PRDM16: variants seen among roughly 807,000 people sequenced by gnomAD.
PRDM16 encodes histone-lysine N-methyltransferase PRDM16.
In PRDM16, 23 loss-of-function variants were observed where a neutral mutation model predicts 110.6. The observed-to-expected ratio is 0.21, with a 90% CI of 0.15 to 0.29. The LOEUF (loss-of-function observed/expected upper bound fraction) is 0.29, where lower values mean the gene tolerates loss of function less well. Ranked by LOEUF, PRDM16 falls within the 10% of genes least tolerant of loss-of-function variation. The pLI is 1.00. For missense variants in PRDM16, 1,615 were observed against 1,794.3 expected (o/e 0.90, Z 1.81); for synonymous variants, 799 against 781.8 (o/e 1.02, Z -0.37).
At chr1:3,127,800 G>A (rs890786894) in intron 1 of PRDM16, among the ~76,000 whole-genome samples, 8 of 152,218 alleles carry the variant, frequency 5.3e-5, no homozygotes, top group African/African-American at 1.4e-4. Context: ...AAGGCAGAGC[G>A]TCCCCATGGT....
rs113092557 is a variant in PRDM16 at position 3,300,059 on chromosome 1, A to G, written c.438+55922A>G. Among the ~76,000 whole-genome samples, 139 of 74,692 alleles carry G rather than the reference A, an allele frequency of 1.9e-3. 12 individuals carry two copies. Among genetic ancestry groups the G allele is most frequent in the African/African-American group, 5.1e-3 (126 of 24,944 alleles). 49.0% of individuals were successfully genotyped at this position (74,692 alleles called of 152,430 possible). A position where few individuals can be genotyped will look rare whatever the true frequency, so the allele number is the denominator to read the frequency against. ...GATGTTTCCGATCCCAGTCATGGTGACTCTGCCCTTGTTGAAGATGCTATG... is the reference window on the plus strand; with the variant it reads ...GATGTTTCCGATCCCAGTCATGGTGGCTCTGCCCTTGTTGAAGATGCTATG... On this transcript the variant is annotated intron_variant, in intron 3 of 16. Transcript: ENST00000270722.
At chr1:3,184,666 G>C (rs1053675356) in intron 1 of PRDM16, among the ~76,000 whole-genome samples, 3 of 152,132 alleles carry the variant, frequency 2.0e-5, no homozygotes, top group Non-Finnish European at 4.4e-5. Context: ...CCCCTCTCTA[G>C]TTTCCAAACA....
intron 3 of PRDM16, among the ~76,000 whole-genome samples, chr1:3,356,348 C>G (rs148255842): frequency 6.6e-6 from 1 of 152,210 alleles, no homozygotes; most frequent in Non-Finnish European, 1.5e-5. Flanking sequence ...GATGCATGAC[C>G]GTCTGCTCAG....
chr1:3,384,696 T>C (rs1643165683), intron 3 of PRDM16, among the ~76,000 whole-genome samples: 1 of 152,230 alleles, frequency 6.6e-6, no homozygotes, highest in East Asian at 1.9e-4. Context: ...CAGGCTGCCC[T>C]GAGCATGCAC....
chr1:3,088,578 G>A (rs896896641), intron 1 of PRDM16, among the ~76,000 whole-genome samples: 1 of 150,778 alleles, frequency 6.6e-6, no homozygotes, highest in Non-Finnish European at 1.5e-5. Flanking sequence ...CCATTCTCCC[G>A]CCTCAGCCTC....
At chr1:3,105,854 C>T (rs1187873221) in intron 1 of PRDM16, among the ~76,000 whole-genome samples, 1 of 152,224 alleles carries the variant, frequency 6.6e-6, no homozygotes, top group Non-Finnish European at 1.5e-5. Context: ...AGGCGAGAGG[C>T]CAGGGCAGCT....
rs189845575 is a variant in PRDM16, at chr1:3,134,354, G to A, written c.38-51771G>A. 4.6e-5 allele frequency among the ~76,000 whole-genome samples: 7 copies of A among 152,374 alleles called. No homozygotes were observed. In the East Asian group the frequency reaches 9.7e-4, roughly 21 times the overall value. ...GCAGAGGAGACGCAGGCCTGGGGAC[G>A]GACAGTTGGGCAGCAGGCATGGCAC... is the stretch of plus-strand genomic sequence containing the variant. On this transcript the variant is annotated intron_variant, in intron 1 of 16. Coordinates refer to ENST00000270722, the MANE Select transcript of PRDM16 (RefSeq NM_022114.4).
At chr1:3,409,825 T>TG (rs1643643774) in intron 8 of PRDM16, among the ~76,000 whole-genome samples, 2 of 50,682 alleles carry the variant, frequency 3.9e-5, no homozygotes, top group Admixed American at 1.8e-4. Flanking sequence ...ATGTGTGTGG[T>TG]TGTGTGTGGG....
chr1:3,196,520 C>T (rs1016243776), intron 2 of PRDM16, among the ~76,000 whole-genome samples: 7 of 152,186 alleles, frequency 4.6e-5, no homozygotes, highest in Admixed American at 6.5e-5. Context: ...TGAGGCTCAC[C>T]GCCCGGTGCC....
At chr1:3,078,655 C>T (rs1344749764) in intron 1 of PRDM16, among the ~76,000 whole-genome samples, 2 of 152,232 alleles carry the variant, frequency 1.3e-5, no homozygotes, top group African/African-American at 2.4e-5. Context: ...AAATGAAATT[C>T]GTTTCTCTAG....
intron 2 of PRDM16, among the ~76,000 whole-genome samples, chr1:3,191,237 C>T (rs569047032): frequency 3.2e-4 from 48 of 152,328 alleles, no homozygotes; most frequent in African/African-American, 9.9e-4. Context: ...CTGAAGTGGA[C>T]GACCTCACCC....
chr1:3,435,664 G>GCC lies in PRDM16; in HGVS notation c.*1853_*1854insCC, dbSNP rs1364053101. 1,776 of 232,556 alleles carry GCC rather than the reference G, an allele frequency of 7.6e-3. 7 individuals carry two copies. The highest frequency in any genetic ancestry group is 0.012 in the Middle Eastern group (9 of 778). 14.4% of individuals were successfully genotyped at this position (232,556 alleles called of 1,614,324 possible). A position where few individuals can be genotyped will look rare whatever the true frequency, so the allele number is the denominator to read the frequency against. On this transcript the variant is annotated 3_prime_UTR_variant, in exon 17 of 17. Coordinates refer to ENST00000270722, the MANE Select transcript of PRDM16 (RefSeq NM_022114.4). Reference sequence around the variant, plus strand: ...GCCTTGGTGTGGGTTTGTGTCACGTGTGGACATCTCCTCAGGCTTTGTGTC... The same window carrying GCC: ...GCCTTGGTGTGGGTTTGTGTCACGTGCCTGGACATCTCCTCAGGCTTTGTGTC...
At chr1:3,087,708 C>A (rs115900574) in intron 1 of PRDM16, among the ~76,000 whole-genome samples, 2 of 152,148 alleles carry the variant, frequency 1.3e-5, no homozygotes, top group African/African-American at 4.8e-5. Context: ...GTGGCCCTCG[C>A]GATGGCTGGA....
At chr1:3,263,672 C>A (rs1266779405) in intron 3 of PRDM16, among the ~76,000 whole-genome samples, 2 of 152,262 alleles carry the variant, frequency 1.3e-5, no homozygotes, top group African/African-American at 2.4e-5. Flanking sequence ...AGATGCCAGA[C>A]CTGACTGGGC....
At chr1:3,083,972 A>G (rs910904240) in intron 1 of PRDM16, among the ~76,000 whole-genome samples, 1 of 152,230 alleles carries the variant, frequency 6.6e-6, no homozygotes, top group African/African-American at 2.4e-5. Flanking sequence ...CAGAGATCAG[A>G]TCAGGAGACC....
intron 1 of PRDM16, among the ~76,000 whole-genome samples, chr1:3,091,666 C>G (rs1642279455): frequency 6.6e-6 from 1 of 152,234 alleles, no homozygotes; most frequent in Non-Finnish European, 1.5e-5. Context: ...GAGCACCCAT[C>G]CTTCCAGCAG....
chr1:3,215,925 G>A (rs538430480), intron 2 of PRDM16, among the ~76,000 whole-genome samples: 3 of 152,186 alleles, frequency 2.0e-5, no homozygotes, highest in Admixed American at 6.5e-5. Context: ...AGCCTATGCA[G>A]CACATAAAAG....
intron 10 of PRDM16, among the ~76,000 whole-genome samples, 168 bp from the exon 11 acceptor site, chr1:3,417,660 G>C (rs1638305991): frequency 6.6e-6 from 1 of 152,138 alleles, no homozygotes; most frequent in Non-Finnish European, 1.5e-5. Flanking sequence ...ACTACAGAAA[G>C]GTGAAAAAAT....
chr1:3,344,597 A>AT (rs1642328479), intron 3 of PRDM16, among the ~76,000 whole-genome samples: 1 of 152,040 alleles, frequency 6.6e-6, no homozygotes, highest in African/African-American at 2.4e-5. Context: ...ACATTTAGTA[A>AT]TTTTTTATTG....
Sources: gnomAD v4.1 joint callset for allele counts (sites outside exome capture counted in the v4.1 genomes callset) on GRCh38, gnomAD v4.1.1 for gene constraint, MANE v1.5 for transcripts, NCBI Gene and HGNC (gene_info 2026-07-23, HGNC 2026-07-21) for gene names.